The following DNAH6 variants were observed in gnomAD, a reference collection of about 807,000 sequenced individuals.
The protein encoded by DNAH6 is axonemal beta dynein heavy chain 6.
A neutral mutation model predicts 491.4 loss-of-function variants in DNAH6; 340 were observed. The observed-to-expected ratio is 0.69, with a 90% CI of 0.63 to 0.76. DNAH6 has a LOEUF of 0.76. Among genes scored for constraint, DNAH6 ranks in the 30% least tolerant of loss-of-function variants. The pLI is 0.00. For missense variants in DNAH6, 4,443 were observed against 4,972.2 expected (o/e 0.89, Z 3.20); for synonymous variants, 1,603 against 1,686.1 (o/e 0.95, Z 1.21).
chr2:84,728,919 T>A (rs1317844542), intron 61 of DNAH6, among the ~76,000 whole-genome samples: 1 of 152,082 alleles, frequency 6.6e-6, no homozygotes, highest in Non-Finnish European at 1.5e-5. Context: ...ACTCTGCAAA[T>A]CTCAAGTCCT....
chr2:84,809,788 G>A (rs374785474), intron 72 of DNAH6, among the ~76,000 whole-genome samples: 1 of 152,142 alleles, frequency 6.6e-6, no homozygotes, highest in South Asian at 2.1e-4. Flanking sequence ...GGCTGCCCCA[G>A]TTGTCCCCTT....
At chr2:84,678,342 GT>G (rs940428038) in intron 41 of DNAH6, among the ~76,000 whole-genome samples, 1 of 152,084 alleles carries the variant, frequency 6.6e-6, no homozygotes, top group Admixed American at 6.5e-5. Context: ...CATTAGAAGG[GT>G]TGTCTAAGGC....
At chr2:84,621,099 T>C (rs936196688) in intron 24 of DNAH6, 92 bp from the exon 25 acceptor site, 8 of 1,325,222 alleles carry the variant, frequency 6.0e-6, no homozygotes, top group Admixed American at 4.4e-5. Context: ...TCAGCGTTTA[T>C]GTAGCTTAGG....
chr2:84,472,442 T>G, the DNAH6 span, among the ~76,000 whole-genome samples: 1 of 152,066 alleles, frequency 6.6e-6, no homozygotes, highest in Non-Finnish European at 1.5e-5. Flanking sequence ...CCTCCCCTGT[T>G]TGACATGTGG....
intron 63 of DNAH6, chr2:84,750,998 G>A (rs534701484): frequency 8.5e-5 from 13 of 152,296 alleles, no homozygotes; most frequent in African/African-American, 2.6e-4. Flanking sequence ...GAGAACACAG[G>A]AACCTGGATC....
chr2:84,666,848 A>G (rs1692178442), intron 37 of DNAH6, among the ~76,000 whole-genome samples: 1 of 152,194 alleles, frequency 6.6e-6, no homozygotes, highest in Non-Finnish European at 1.5e-5. Context: ...ACTTCAAACT[A>G]TACTACAAGG....
chr2:84,528,105 C>T (rs939984980), intron 3 of DNAH6, among the ~76,000 whole-genome samples: 1 of 152,054 alleles, frequency 6.6e-6, no homozygotes, highest in African/African-American at 2.4e-5. Flanking sequence ...GTGTGAGTGG[C>T]ACTGAGAGCA....
intron 62 of DNAH6, among the ~76,000 whole-genome samples, 192 bp downstream of exon 62, chr2:84,733,771 T>C (rs1209723051): frequency 6.6e-5 from 10 of 151,858 alleles, no homozygotes; most frequent in Non-Finnish European, 1.5e-4. Flanking sequence ...TTTTTAATAT[T>C]TCATGTTTAC....
intron 63 of DNAH6, among the ~76,000 whole-genome samples, chr2:84,745,489 C>T (rs897661946): frequency 6.6e-6 from 1 of 152,070 alleles, no homozygotes; most frequent in African/African-American, 2.4e-5. Flanking sequence ...CACGGTGAAA[C>T]CGCGTCTCTA....
At chr2:84,462,012 CAA>C in the DNAH6 span, among the ~76,000 whole-genome samples, 2 of 152,190 alleles carry the variant, frequency 1.3e-5, no homozygotes, top group Non-Finnish European at 2.9e-5. Flanking sequence ...GTCATCAAGC[CAA>C]GAGAAAAGTC....
intron 64 of DNAH6, among the ~76,000 whole-genome samples, chr2:84,772,687 G>T (rs1335291526): frequency 6.6e-6 from 1 of 152,050 alleles, no homozygotes. Context: ...ATAGTTCAAT[G>T]AAAACAGTTG....
intron 33 of DNAH6, among the ~76,000 whole-genome samples, chr2:84,647,644 G>A (rs1041903457): frequency 2.0e-5 from 3 of 152,130 alleles, no homozygotes; most frequent in African/African-American, 4.8e-5. Flanking sequence ...TTTAGAGAAT[G>A]GTTTACTGAA....
At chr2:84,494,015 T>C in the DNAH6 span, among the ~76,000 whole-genome samples, 2 of 152,018 alleles carry the variant, frequency 1.3e-5, no homozygotes, top group South Asian at 4.2e-4. Context: ...GAGTTTGGAG[T>C]CAAAGGCAAG....
intron 18 of DNAH6, among the ~76,000 whole-genome samples, chr2:84,602,150 A>G (rs1685310143): frequency 6.6e-6 from 1 of 152,022 alleles, no homozygotes; most frequent in Non-Finnish European, 1.5e-5. Context: ...AATGAATTTT[A>G]CTTTACCAGT....
At chr2:84,782,442 A>T (rs1265130125) in intron 65 of DNAH6, among the ~76,000 whole-genome samples, 1 of 152,112 alleles carries the variant, frequency 6.6e-6, no homozygotes, top group African/African-American at 2.4e-5. Flanking sequence ...AGCTCTGCAG[A>T]TGATCTTGCA....
intron 11 of DNAH6, among the ~76,000 whole-genome samples, chr2:84,568,795 C>T (rs1681482498): frequency 6.6e-6 from 1 of 152,110 alleles, no homozygotes; most frequent in Non-Finnish European, 1.5e-5. Flanking sequence ...AGCATCTAAG[C>T]ATATGAAAAG....
rs192531137 is a variant in DNAH6, at chr2:84,582,892, C to T, written c.2230-1107C>T. Among the ~76,000 whole-genome samples, 6 of 152,364 alleles carry T rather than the reference C, an allele frequency of 3.9e-5. No homozygotes were observed. In the East Asian group the frequency reaches 1.2e-3, roughly 29 times the overall value. The stretch of plus-strand genomic sequence containing the variant: ...GTTTCCACATAAAAGTAAATGGCCT[C>T]AGTCCTAACTCTTCCTGTGTTCAAG... On this transcript the variant is annotated intron_variant, in intron 14 of 76. Coordinates refer to ENST00000389394, the MANE Select transcript of DNAH6 (RefSeq NM_001370.2).
intron 64 of DNAH6, among the ~76,000 whole-genome samples, chr2:84,772,649 T>A (rs1482891223): frequency 6.6e-6 from 1 of 151,972 alleles, no homozygotes; most frequent in East Asian, 1.9e-4. Flanking sequence ...AATATATAAA[T>A]TAAAAACTGA....
intron 18 of DNAH6, among the ~76,000 whole-genome samples, chr2:84,602,482 CTTTTTTTTTTT>C (rs3029846): frequency 1.9e-4 from 6 of 31,998 alleles, no homozygotes; most frequent in African/African-American, 8.4e-4. Flanking sequence ...TGTTGTGTCC[CTTTTTTTTTTT>C]TTTTTTTTTT....
Sources: gnomAD v4.1 joint callset for allele counts (sites outside exome capture counted in the v4.1 genomes callset) on GRCh38, gnomAD v4.1.1 for gene constraint, MANE v1.5 for transcripts, NCBI Gene and HGNC (gene_info 2026-07-23, HGNC 2026-07-21) for gene names.